LARP1: variants seen among roughly 807,000 people sequenced by gnomAD.
The protein encoded by LARP1 is La ribonucleoprotein 1, translational regulator, also known as la-related protein 1.
Under a neutral mutation model 122.7 loss-of-function variants are expected in LARP1, and 36 were observed. The ratio of observed to expected loss-of-function variants is 0.29; its 90% CI spans 0.22 to 0.39. LARP1 has a LOEUF of 0.39. Among genes scored for constraint, LARP1 ranks in the 10% least tolerant of loss-of-function variants. LARP1 has a pLI of 1.00. For missense variants in LARP1, 1,040 were observed against 1,403.6 expected (o/e 0.74, Z 4.14); for synonymous variants, 539 against 528.7 (o/e 1.02, Z -0.27).
intron 1 of LARP1, chr5:154,729,816 A>G (rs1289461010): frequency 5.6e-6 from 1 of 179,052 alleles, no homozygotes; most frequent in African/African-American, 2.4e-5. Flanking sequence ...GTCAAAGGAA[A>G]AAGGCATTTC....
intron 1 of LARP1, among the ~76,000 whole-genome samples, chr5:154,781,941 G>T (rs896788280): frequency 2.6e-5 from 4 of 152,166 alleles, no homozygotes; most frequent in Non-Finnish European, 5.9e-5. Context: ...TCAGGCGGTA[G>T]TGAGTACCCT....
At position 154,817,366 on chromosome 5, in the gene LARP1, C is replaced by T. The variant is rs1008772557; in HGVS notation, c.*3270C>T. 4 of 152,576 alleles carry T rather than the reference C, an allele frequency of 2.6e-5. No individual in the cohort carries two copies. The highest frequency in any genetic ancestry group is 5.9e-5 in the Non-Finnish European group (4 of 68,030). 9.5% of individuals were successfully genotyped at this position (152,576 alleles called of 1,614,324 possible). ...GCTTTGCGGAGAAGGTTCCACCTTA[C>T]GCTCGTAGTACATTATCTTTACTAT... On this transcript the variant is annotated 3_prime_UTR_variant, in exon 19 of 19. Transcript: ENST00000518297.
At chr5:154,793,349 G>A (rs39953) in intron 4 of LARP1, among the ~76,000 whole-genome samples, 2 of 152,148 alleles carry the variant, frequency 1.3e-5, no homozygotes, top group Non-Finnish European at 2.9e-5. Context: ...GACTCCAGAA[G>A]GGGATTCTGT....
Position 154,812,676 on chromosome 5 carries a change from C to T in LARP1, c.3081+1036C>T, listed in dbSNP as rs550788885. The stretch of plus-strand genomic sequence containing the variant: ...CTGAGATTATAGGTGCGCACCACCA[C>T]GCCTGGCTAATTTTTGTATTTTTAG... On this transcript the variant is annotated intron_variant, in intron 18 of 18. Transcript: ENST00000518297. 6.6e-5 allele frequency among the ~76,000 whole-genome samples: 10 copies of T among 152,054 alleles called. No individual in the cohort carries two copies. In the East Asian group the frequency reaches 7.7e-4, roughly 12 times the overall value.
At chr5:154,782,119 G>A (rs1025654165) in intron 1 of LARP1, among the ~76,000 whole-genome samples, 1 of 152,178 alleles carries the variant, frequency 6.6e-6, no homozygotes, top group African/African-American at 2.4e-5. Flanking sequence ...CCTTGGGCGA[G>A]TCCCTTCCTT....
intron 10 of LARP1, among the ~76,000 whole-genome samples, 159 bp from the exon 11 acceptor site, chr5:154,801,848 T>C (rs1183378970): frequency 6.6e-6 from 1 of 152,242 alleles, no homozygotes; most frequent in Non-Finnish European, 1.5e-5. Flanking sequence ...GTCATAAAGC[T>C]GACTCCCAGG....
intron 3 of LARP1, 31 bp from the exon 4 acceptor site, chr5:154,792,591 C>T (rs1457021435): frequency 1.2e-5 from 20 of 1,605,906 alleles, no homozygotes; most frequent in Non-Finnish European, 1.6e-5. Flanking sequence ...CACTCACACT[C>T]ACCTCACTGT....
chr5:154,701,982 G>C (rs1006889547), intron 1 of LARP1, among the ~76,000 whole-genome samples: 1 of 152,130 alleles, frequency 6.6e-6, no homozygotes, highest in African/African-American at 2.4e-5. Context: ...TTGTGGACCT[G>C]AGCCTTTTTG....
upstream of LARP1, among the ~76,000 whole-genome samples, chr5:154,752,458 G>A (rs142310990): frequency 0.012 from 1,814 of 151,952 alleles, 8 homozygotes; most frequent in Non-Finnish European, 0.018. Flanking sequence ...GGCCAGGCTG[G>A]TCTTGAACTC....
chr5:154,733,327 T>C lies in LARP1; in HGVS notation c.205+20197T>C, dbSNP rs1756694048. 2.6e-5 allele frequency among the ~76,000 whole-genome samples: 4 copies of C among 152,212 alleles called. No individual in the cohort carries two copies. The South Asian group carries it at 8.3e-4, about 31-fold the overall frequency. The stretch of plus-strand genomic sequence containing the variant: ...AATAACACAGGCTTTGGCATCAGAC[T>C]GCTCTGAAATCGGACATAGCTCTGA... On this transcript the variant is annotated intron_variant, in intron 1 of 18. Transcript: ENST00000336314.
chr5:154,699,753 G>A (rs1052314271), intron 1 of LARP1, among the ~76,000 whole-genome samples: 2 of 152,124 alleles, frequency 1.3e-5, no homozygotes, highest in African/African-American at 4.8e-5. Flanking sequence ...GTTGAGTGGT[G>A]GAGGGACCGA....
At chr5:154,754,277 A>C (rs1753662579), upstream of LARP1, among the ~76,000 whole-genome samples, 1 of 152,096 alleles carries the variant, frequency 6.6e-6, no homozygotes, top group Non-Finnish European at 1.5e-5. Context: ...TTTATACCAA[A>C]CCCGTTTCCT....
chr5:154,718,326 G>A (rs1204822732), intron 1 of LARP1: 3 of 152,168 alleles, frequency 2.0e-5, no homozygotes, highest in East Asian at 3.8e-4. Flanking sequence ...TGTGGGTGGT[G>A]CCTTATCATC....
intron 10 of LARP1, among the ~76,000 whole-genome samples, 189 bp from the exon 11 acceptor site, chr5:154,801,818 A>G (rs574283162): frequency 3.9e-5 from 6 of 152,352 alleles, no homozygotes; most frequent in Non-Finnish European, 5.9e-5. Flanking sequence ...CTGGACTTCT[A>G]TGAAACATCC....
chr5:154,747,987 C>G (rs979127984), intron 1 of LARP1, among the ~76,000 whole-genome samples: 1 of 152,190 alleles, frequency 6.6e-6, no homozygotes, highest in African/African-American at 2.4e-5. Flanking sequence ...TCTTGCCCTA[C>G]AGGTATGCGG....
chr5:154,689,224 C>G (rs939771810), intron 1 of LARP1, among the ~76,000 whole-genome samples: 2 of 152,046 alleles, frequency 1.3e-5, no homozygotes, highest in Non-Finnish European at 2.9e-5. Flanking sequence ...GAGGCCTAGG[C>G]GGGTGGATCA....
At chr5:154,744,605 T>C (rs994667717) in intron 1 of LARP1, among the ~76,000 whole-genome samples, 4 of 149,088 alleles carry the variant, frequency 2.7e-5, no homozygotes, top group East Asian at 1.9e-4. Flanking sequence ...GGAAAGGGCA[T>C]TGGATATGCA....
chr5:154,801,460 A>G (rs904646675), intron 10 of LARP1, among the ~76,000 whole-genome samples: 10 of 152,242 alleles, frequency 6.6e-5, no homozygotes, highest in African/African-American at 1.4e-4. Flanking sequence ...CCTAAGTAAC[A>G]GGGACCTTGT....
chr5:154,803,397 A>G lies in LARP1; in HGVS notation c.2217A>G (p.Pro739=). The G allele has an allele frequency of 6.2e-7, 1 of 1,614,030 alleles. No homozygotes were observed. Among genetic ancestry groups the G allele is most frequent in the Non-Finnish European group, 8.5e-7 (1 of 1,179,998 alleles). ...CCAACCAGGAAGTTCCTCCTGGGCC[A>G]CCTCGGTTCCAGCAAGGTGAGAAGC... is the stretch of plus-strand genomic sequence containing the variant. ...VDPNQEVPPG[P]PRFQQVPTDA... is the part of the protein sequence containing the mutation. Residue 739 remains proline, a synonymous_variant, in exon 12 of 19, where the codon CCA becomes CCG. Coordinates refer to ENST00000518297, the MANE Select transcript of LARP1 (RefSeq NM_033551.3). This position sits in a 1 kb window ranked among gnomAD's most constrained non-coding sequence, Gnocchi z 4.4.
Sources: gnomAD v4.1 joint callset for allele counts (sites outside exome capture counted in the v4.1 genomes callset) on GRCh38, gnomAD v4.1.1 for gene constraint, Gnocchi (gnomAD v3.1) non-coding constraint, MANE v1.5 for transcripts, NCBI Gene and HGNC (gene_info 2026-07-23, HGNC 2026-07-21) for gene names.